TMEM218: variants seen among roughly 807,000 people sequenced by gnomAD.
The protein encoded by TMEM218 is transmembrane protein 218.
In TMEM218, 8 loss-of-function variants were observed where a neutral mutation model predicts 10.0. That is an observed-to-expected ratio of 0.80 (90% confidence interval 0.47 to 1.44). TMEM218 has a LOEUF of 1.44. Among genes scored for constraint, TMEM218 ranks in the 40% most tolerant of loss-of-function variants. TMEM218 has a pLI of 0.00. For missense variants in TMEM218, 110 were observed against 140.1 expected, an observed-to-expected ratio of 0.79 and a Z score of 1.08; for synonymous variants, 66 against 63.5, an observed-to-expected ratio of 1.04 and a Z score of -0.18.
At chr11:125,103,927 G>A (rs1951489118) in intron 1 of TMEM218, 1 of 152,258 alleles carries the variant, frequency 6.6e-6, no homozygotes, top group Admixed American at 6.5e-5. Context: ...AAAAAAATAC[G>A]TTTATTGAAT....
At chr11:125,110,822 T>C (rs1488296326) in intron 1 of TMEM218, 1 of 130,448 alleles carries the variant, frequency 7.7e-6, no homozygotes, top group Non-Finnish European at 1.6e-5. Context: ...CTTTGCTTTA[T>C]AGCTGTTTTC....
At chr11:125,107,446 G>A (rs373644743) in intron 1 of TMEM218, among the ~76,000 whole-genome samples, 1 of 152,046 alleles carries the variant, frequency 6.6e-6, no homozygotes, top group Non-Finnish European at 1.5e-5. Flanking sequence ...AACCTTTTAT[G>A]AAATGATTGG....
At chr11:125,097,907 A>G (rs935395154) in intron 4 of TMEM218, among the ~76,000 whole-genome samples, 167 bp from the exon 5 acceptor site, 6 of 152,098 alleles carry the variant, frequency 3.9e-5, no homozygotes, top group African/African-American at 1.2e-4. Flanking sequence ...CTTTTCCTCA[A>G]CTCCCTGAGC....
intron 2 of TMEM218, 123 bp from the exon 3 acceptor site, chr11:125,102,440 C>T: frequency 1.3e-6 from 2 of 1,492,960 alleles, no homozygotes; most frequent in Non-Finnish European, 1.8e-6. Flanking sequence ...TGTCCAGTCC[C>T]AGAGTCCCTT....
At position 125,111,595 on chromosome 11, in the gene TMEM218, CCGGCGCGTTCCAGCCCA is replaced by C. The variant is rs1405076503; in HGVS notation, c.-226_-210del. On this transcript the variant is annotated 5_prime_UTR_variant, in exon 1 of 5. Coordinates refer to ENST00000682305, the MANE Select transcript of TMEM218 (RefSeq NM_001258244.2). ...CCAGGCTCTACTCACACCTCAGATTCCGGCGCGTTCCAGCCCACGGGGCTCTGGTTTACTTAGGGCGA... is the reference window on the plus strand; with the variant it reads ...CCAGGCTCTACTCACACCTCAGATTCCGGGGCTCTGGTTTACTTAGGGCGA... 2 of 152,526 alleles carry C rather than the reference CCGGCGCGTTCCAGCCCA, an allele frequency of 1.3e-5. No homozygotes were observed. The highest frequency in any genetic ancestry group is 2.4e-5 in the African/African-American group (1 of 41,470). The allele number at this position is 152,526 out of a possible 1,614,324, so 9.4% of individuals were successfully genotyped here.
chr11:125,094,677 T>TA lies in TMEM218; in HGVS notation c.*2928dup, dbSNP rs1949410283. ...GTTTCTTTACACATTGAGCAAAAAA[T>TA]AAACCAGAAACACTTCAACTGCAAC... On this transcript the variant is annotated 3_prime_UTR_variant, in exon 5 of 5. Transcript: ENST00000682305. Among the ~76,000 whole-genome samples, 1 of 152,204 alleles carries TA rather than the reference T, an allele frequency of 6.6e-6. No individual in the cohort carries two copies. Among genetic ancestry groups the TA allele is most frequent in the Non-Finnish European group, 1.5e-5 (1 of 68,028 alleles).
Position 125,094,505 on chromosome 11 carries a change from A to G in TMEM218, c.*3101T>C, listed in dbSNP as rs1177820933. ...AATGTAAAAATAAGGAGTTACTTGA[A>G]AGTCAAAAGTGATCTTTCAACTATT... On this transcript the variant is annotated 3_prime_UTR_variant, in exon 5 of 5. Transcript: ENST00000682305. 6.6e-6 allele frequency among the ~76,000 whole-genome samples: 1 copy of G among 152,256 alleles called. No individual in the cohort carries two copies. Among genetic ancestry groups the G allele is most frequent in the South Asian group, 2.1e-4 (1 of 4,832 alleles).
At chr11:125,109,314 G>T (rs1462275206) in intron 1 of TMEM218, among the ~76,000 whole-genome samples, 1 of 152,028 alleles carries the variant, frequency 6.6e-6, no homozygotes, top group East Asian at 1.9e-4. Context: ...CGTATATACA[G>T]CAAAAGTATA....
Position 125,094,815 on chromosome 11 carries a change from GA to G in TMEM218, c.*2790del, listed in dbSNP as rs1949425419. ...AATAAATTGGATGCCCTCCTTCCAGGAAGCAGTGAGGAAGACAGTCTAGACA... is the reference window on the plus strand; with the variant it reads ...AATAAATTGGATGCCCTCCTTCCAGGAGCAGTGAGGAAGACAGTCTAGACA... On this transcript the variant is annotated 3_prime_UTR_variant, in exon 5 of 5. Coordinates refer to ENST00000682305, the MANE Select transcript of TMEM218 (RefSeq NM_001258244.2). Among the ~76,000 whole-genome samples the G allele has an allele frequency of 6.6e-6, 1 of 152,202 alleles. No homozygotes were observed. Among genetic ancestry groups the G allele is most frequent in the Non-Finnish European group, 1.5e-5 (1 of 68,042 alleles).
At chr11:125,101,062 T>TC (rs1224150890) in intron 4 of TMEM218, 139 bp downstream of exon 4, 1 of 640,678 alleles carries the variant, frequency 1.6e-6, no homozygotes, top group Non-Finnish European at 2.7e-6. Flanking sequence ...CTCTGAACTT[T>TC]CCCCGTCATT....
intron 2 of TMEM218, 67 bp from the exon 3 acceptor site, chr11:125,102,384 AG>A (rs1205391356): frequency 6.5e-7 from 1 of 1,526,830 alleles, no homozygotes; most frequent in African/African-American, 1.4e-5. Context: ...TTTGATGATC[AG>A]TGTGTTAGGA....
chr11:125,099,607 C>T (rs1950314087), intron 4 of TMEM218, among the ~76,000 whole-genome samples: 1 of 152,186 alleles, frequency 6.6e-6, no homozygotes, highest in African/African-American at 2.4e-5. Flanking sequence ...ATGTGGCAGC[C>T]CACATCACTC....
Position 125,096,620 on chromosome 11 carries a change from G to C in TMEM218, c.*986C>G, listed in dbSNP as rs921816686. 6.6e-6 allele frequency: 1 copy of C among 152,172 alleles called. No individual in the cohort carries two copies. Among genetic ancestry groups the C allele is most frequent in the African/African-American group, 2.4e-5 (1 of 41,442 alleles). The allele number at this position is 152,172 out of a possible 1,614,324, so 9.4% of individuals were successfully genotyped here. A position where few individuals can be genotyped will look rare whatever the true frequency, so the allele number is the denominator to read the frequency against. On this transcript the variant is annotated 3_prime_UTR_variant, in exon 5 of 5. Coordinates refer to ENST00000682305, the MANE Select transcript of TMEM218 (RefSeq NM_001258244.2). ...TCCATCAGTGATCTCTTTCCAACTTGTTTTCTTGGTTCTTAATTTTAAGCC... is the reference window on the plus strand; with the variant it reads ...TCCATCAGTGATCTCTTTCCAACTTCTTTTCTTGGTTCTTAATTTTAAGCC...
intron 1 of TMEM218, 156 bp from the exon 2 acceptor site, chr11:125,102,965 G>T: frequency 4.0e-6 from 1 of 249,524 alleles, no homozygotes; most frequent in Non-Finnish European, 8.0e-6. Context: ...AGCGCGATGG[G>T]GTATCTATTA....
In TMEM218 at chr11:125,097,433, G is replaced by T; in HGVS notation, c.*173C>A. 1 of 624,174 alleles carries T rather than the reference G, an allele frequency of 1.6e-6. No individual in the cohort carries two copies. Among genetic ancestry groups the T allele is most frequent in the Non-Finnish European group, 2.6e-6 (1 of 385,556 alleles). 38.7% of individuals were successfully genotyped at this position (624,174 alleles called of 1,614,324 possible). A position where few individuals can be genotyped will look rare whatever the true frequency, so the allele number is the denominator to read the frequency against. ...AATCTAGCCCCACAGGGACAATTTG[G>T]CAATCCTGTTTCTGGAAGCCAGGAC... On this transcript the variant is annotated 3_prime_UTR_variant, in exon 5 of 5. Coordinates refer to ENST00000682305, the MANE Select transcript of TMEM218 (RefSeq NM_001258244.2).
At position 125,102,554 on chromosome 11, in the gene TMEM218, A is replaced by G; in HGVS notation, c.-77+180T>C. On this transcript the variant is annotated intron_variant, in intron 2 of 4. Coordinates refer to ENST00000682305, the MANE Select transcript of TMEM218 (RefSeq NM_001258244.2). ...AAGTTTTTTCTGAGTGTTTCCTTTCAAATTTGGTACCTGAGTTCTACTTTG... is the reference window on the plus strand; with the variant it reads ...AAGTTTTTTCTGAGTGTTTCCTTTCGAATTTGGTACCTGAGTTCTACTTTG... 5 of 1,380,248 alleles carry G rather than the reference A, an allele frequency of 3.6e-6. No individual in the cohort carries two copies. In the South Asian group the frequency reaches 4.9e-5, roughly 14 times the overall value. 85.5% of individuals were successfully genotyped at this position (1,380,248 alleles called of 1,614,324 possible). A position where few individuals can be genotyped will look rare whatever the true frequency, so the allele number is the denominator to read the frequency against.
At chr11:125,109,776 T>A (rs1282749610) in intron 1 of TMEM218, among the ~76,000 whole-genome samples, 1 of 152,242 alleles carries the variant, frequency 6.6e-6, no homozygotes, top group Non-Finnish European at 1.5e-5. Flanking sequence ...AGAAAACAAC[T>A]ATTTAAATTT....
At chr11:125,105,430 AG>A (rs1951880223) in intron 1 of TMEM218, among the ~76,000 whole-genome samples, 1 of 152,224 alleles carries the variant, frequency 6.6e-6, no homozygotes, top group African/African-American at 2.4e-5. Flanking sequence ...CCTCAGTGAA[AG>A]GGCTACTCAG....
chr11:125,105,615 T>C (rs1951930570), intron 1 of TMEM218, among the ~76,000 whole-genome samples: 6 of 152,166 alleles, frequency 3.9e-5, no homozygotes, highest in Admixed American at 3.9e-4. Flanking sequence ...ATATGGTAGA[T>C]GGAAAAGGAT....
Sources: gnomAD v4.1 joint callset for allele counts (sites outside exome capture counted in the v4.1 genomes callset) on GRCh38, gnomAD v4.1.1 for gene constraint, MANE v1.5 for transcripts, NCBI Gene and HGNC (gene_info 2026-07-23, HGNC 2026-07-21) for gene names.